Variants in RNF212B observed in about 807,000 individuals in gnomAD.
RNF212B encodes E3 ubiquitin-protein ligase RNF212B.
RNF212B carries 52 observed loss-of-function variants against 55.5 expected under a neutral mutation model. The observed-to-expected ratio is 0.94, with a 90% CI of 0.75 to 1.18. RNF212B has a LOEUF of 1.18. Ranked by LOEUF, RNF212B falls within the 50% of genes most tolerant of loss-of-function variation. The pLI, the probability that RNF212B is intolerant of heterozygous loss-of-function variation, is 0.00. For synonymous variants in RNF212B, 99 were observed against 121.4 expected (o/e 0.82, Z 1.21); for missense variants, 289 against 350.4 (o/e 0.82, Z 1.40).
chr14:23,219,023 C>T (rs113842189), intron 2 of RNF212B, among the ~76,000 whole-genome samples: 1,948 of 152,152 alleles, frequency 0.013, 42 homozygotes, highest in African/African-American at 0.042. Context: ...CTTACAAGCC[C>T]GGAGAGAGTG....
intron 2 of RNF212B, among the ~76,000 whole-genome samples, chr14:23,195,299 T>C (rs986645847): frequency 1.2e-4 from 18 of 150,458 alleles, no homozygotes; most frequent in African/African-American, 4.4e-4. Context: ...GCAGCTAAAG[T>C]AGTATTCTGA....
intron 4 of RNF212B, among the ~76,000 whole-genome samples, chr14:23,254,762 T>C (rs1279376673): frequency 6.6e-6 from 1 of 152,200 alleles, no homozygotes; most frequent in African/African-American, 2.4e-5. Flanking sequence ...TCTTGTCTTA[T>C]CATAGTAAAC....
chr14:23,221,953 C>T (rs1308502055), intron 2 of RNF212B, among the ~76,000 whole-genome samples: 1 of 152,034 alleles, frequency 6.6e-6, no homozygotes, highest in Non-Finnish European at 1.5e-5. Flanking sequence ...ATAATGGAAA[C>T]ACAACATACC....
intron 11 of RNF212B, among the ~76,000 whole-genome samples, chr14:23,266,991 CAG>C: frequency 6.6e-6 from 1 of 152,228 alleles, no homozygotes; most frequent in East Asian, 1.9e-4. Context: ...TTTTTTGAGA[CAG>C]AGTCTCGTGC....
intron 9 of RNF212B, 141 bp downstream of exon 9, chr14:23,263,111 C>G (rs1357944246): frequency 5.7e-6 from 4 of 703,956 alleles, no homozygotes; most frequent in South Asian, 1.7e-5. Flanking sequence ...TTCCCTAAGC[C>G]AAACTGTATC....
At chr14:23,187,165 T>A (rs1877678323) in intron 1 of RNF212B, among the ~76,000 whole-genome samples, 1 of 152,210 alleles carries the variant, frequency 6.6e-6, no homozygotes, top group Non-Finnish European at 1.5e-5. Flanking sequence ...AAGAAATTGA[T>A]CCCTTTAACT....
chr14:23,232,442 C>G (rs991053737), intron 2 of RNF212B, among the ~76,000 whole-genome samples: 5 of 114,436 alleles, frequency 4.4e-5, no homozygotes, highest in Non-Finnish European at 1.1e-4. Context: ...AGCGCCTCCG[C>G]CCGGCAGCCG....
chr14:23,260,612 G>A (rs1174422044), intron 6 of RNF212B, 47 bp from the exon 7 acceptor site: 2 of 1,524,564 alleles, frequency 1.3e-6, no homozygotes, highest in South Asian at 2.4e-5. Context: ...CTGTTGATTA[G>A]GATCCTCAGT....
At chr14:23,192,411 T>A (rs1287642089) in intron 1 of RNF212B, among the ~76,000 whole-genome samples, 3 of 151,960 alleles carry the variant, frequency 2.0e-5, no homozygotes, top group Non-Finnish European at 2.9e-5. Context: ...CTGGAAATCA[T>A]CATTCTCAGC....
At chr14:23,208,833 A>C (rs1286260727) in intron 2 of RNF212B, among the ~76,000 whole-genome samples, 1 of 129,490 alleles carries the variant, frequency 7.7e-6, no homozygotes, top group Admixed American at 9.4e-5. Context: ...ATCTCAGGTC[A>C]CTGCAAGCTC....
chr14:23,213,748 A>G (rs1880796926), intron 2 of RNF212B, among the ~76,000 whole-genome samples: 1 of 152,108 alleles, frequency 6.6e-6, no homozygotes, highest in Admixed American at 6.5e-5. Context: ...AGAAGTGAGG[A>G]AGAGAGGTAG....
At chr14:23,267,249 G>T (rs1885772583) in intron 11 of RNF212B, among the ~76,000 whole-genome samples, 1 of 152,026 alleles carries the variant, frequency 6.6e-6, no homozygotes, top group African/African-American at 2.4e-5. Flanking sequence ...CCAAAGTGCT[G>T]GGATTATAGG....
In RNF212B at chr14:23,197,779, CT is replaced by C. The variant is rs34895919; in HGVS notation, c.-2+4392del. ...ATTTCCCCCTTCTATGTCTTGTCTT[CT>C]TTTTTTTTTTTTTGAGCAACATGGC... On this transcript the variant is annotated intron_variant, in intron 2 of 15. Coordinates refer to the RNF212B transcript ENST00000399910. Among the ~76,000 whole-genome samples, 978 of 143,958 alleles carry C rather than the reference CT, an allele frequency of 6.8e-3. 11 individuals carry two copies. The highest frequency in any genetic ancestry group is 0.018 in the African/African-American group (700 of 39,550). The allele number at this position is 143,958 out of a possible 152,430, so 94.4% of individuals were successfully genotyped here. A position where few individuals can be genotyped will look rare whatever the true frequency, so the allele number is the denominator to read the frequency against.
chr14:23,238,244 TA>T (rs1394939653), intron 1 of RNF212B, among the ~76,000 whole-genome samples, 189 bp downstream of exon 1: 6 of 147,058 alleles, frequency 4.1e-5, no homozygotes, highest in African/African-American at 1.6e-4. Flanking sequence ...CCTGGGCATA[TA>T]GAACGGGGCC....
Position 23,272,807 on chromosome 14 carries a change from T to C in RNF212B, c.835-16T>C. On this transcript the variant is annotated splice_polypyrimidine_tract_variant and intron_variant, in intron 14 of 14. Coordinates refer to ENST00000430154, the MANE Select transcript of RNF212B (RefSeq NM_001282322.3). ...GTTATAAACACCCACATCTACCTTC[T>C]TGTCCTCTGCTGCAGACTCTCTACC... The C allele has an allele frequency of 2.6e-6, 4 of 1,539,682 alleles. No individual in the cohort carries two copies. The highest frequency in any genetic ancestry group is 3.5e-6 in the Non-Finnish European group (4 of 1,137,746).
At chr14:23,213,766 GAA>G (rs1880799420) in intron 2 of RNF212B, among the ~76,000 whole-genome samples, 2 of 152,124 alleles carry the variant, frequency 1.3e-5, no homozygotes, top group Admixed American at 6.6e-5. Context: ...TAGAGAGAGA[GAA>G]AGAGAGGCAG....
chr14:23,265,213 C>T (rs964970392), intron 11 of RNF212B, among the ~76,000 whole-genome samples: 7 of 152,158 alleles, frequency 4.6e-5, no homozygotes, highest in African/African-American at 1.7e-4. Flanking sequence ...AACCTCTGGT[C>T]AGGAGATGGA....
In RNF212B at chr14:23,216,879, C is replaced by CAAAAAAAAA. The variant is rs59923716; in HGVS notation, c.-1-23449_-1-23441dup. On this transcript the variant is annotated intron_variant, in intron 2 of 15. Transcript: ENST00000399910. ...TGGGTGACTGAATGTGACCCTGTCT[C>CAAAAAAAAA]AAAAAAAAAAAAAAAAAAAAAAAAA... 2.5e-4 allele frequency among the ~76,000 whole-genome samples: 12 copies of CAAAAAAAAA among 48,766 alleles called. 2 individuals are homozygous for CAAAAAAAAA. The highest frequency in any genetic ancestry group is 3.7e-4 in the Non-Finnish European group (11 of 29,374). 32.0% of individuals were successfully genotyped at this position (48,766 alleles called of 152,430 possible). A position where few individuals can be genotyped will look rare whatever the true frequency, so the allele number is the denominator to read the frequency against.
intron 2 of RNF212B, among the ~76,000 whole-genome samples, chr14:23,213,157 C>CA (rs1411261780): frequency 6.6e-5 from 10 of 151,552 alleles, no homozygotes; most frequent in African/African-American, 2.4e-4. Context: ...CTAAAAAATA[C>CA]AAAAAATTAG....
Sources: allele counts gnomAD v4.1 joint callset (sites outside exome capture counted in the v4.1 genomes callset), GRCh38; gene constraint gnomAD v4.1.1; transcripts MANE v1.5; gene names NCBI Gene and HGNC (gene_info 2026-07-23, HGNC 2026-07-21).